The following RPS6KL1 variants were observed in gnomAD, a reference collection of about 807,000 sequenced individuals.
The protein encoded by RPS6KL1 is ribosomal protein S6 kinase like 1, also known as ribosomal protein S6 kinase-like 1.
A neutral mutation model predicts 57.0 loss-of-function variants in RPS6KL1; 41 were observed. The ratio of observed to expected loss-of-function variants is 0.72; its 90% confidence interval spans 0.56 to 0.93. The LOEUF (loss-of-function observed/expected upper bound fraction) is 0.93. RPS6KL1 is among the 40% of genes least tolerant of loss of function. RPS6KL1 has a pLI of 0.00. For synonymous variants in RPS6KL1, 287 were observed against 309.7 expected (o/e 0.93, Z 0.77); for missense variants, 697 against 727.7 (o/e 0.96, Z 0.49).
At position 74,909,625 on chromosome 14, in the gene RPS6KL1, C is replaced by T. The variant is rs1594910471; in HGVS notation, c.1188G>A (p.Met396Ile). The part of the protein sequence containing the change: ...EEQVKQWAAE[M>I]LVALEALHEQ... ...CGTGCAGCGCCTCCAGCGCTACCAG[C>T]ATCTCTGCCGCCCACTGCTTCACCT... The change falls in exon 8 of 12, where the codon ATG becomes ATA. Residue 396 changes from methionine (M) to isoleucine (I), a missense_variant. Transcript: ENST00000557413. The T allele has an allele frequency of 1.2e-6, 2 of 1,611,946 alleles. No homozygotes were observed. The highest frequency in any genetic ancestry group is 2.2e-5 in the East Asian group (1 of 44,892).
rs1884873389 is a variant in RPS6KL1 at position 74,906,452 on chromosome 14, C to T, written c.*562G>A. On this transcript the variant is annotated 3_prime_UTR_variant, in exon 12 of 12. Coordinates refer to ENST00000557413, the MANE Select transcript of RPS6KL1 (RefSeq NM_031464.5). The stretch of plus-strand genomic sequence containing the variant: ...GGTCATCCTGTCCCCTACCTCATCC[C>T]TCCCTGCACAACAGATGGCATCCCT... 1.4e-5 allele frequency: 6 copies of T among 419,412 alleles called. No homozygotes were observed. The highest frequency in any genetic ancestry group is 7.4e-5 in the Admixed American group (3 of 40,692). 26.0% of individuals were successfully genotyped at this position (419,412 alleles called of 1,614,324 possible).
At chr14:74,918,719 G>C in intron 4 of RPS6KL1, 114 bp from the exon 5 acceptor site, 1 of 769,206 alleles carries the variant, frequency 1.3e-6, no homozygotes, top group East Asian at 2.8e-5. Context: ...ACAGCTGGGA[G>C]GGCAGGGGTA....
Position 74,910,073 on chromosome 14 carries a change from T to C in RPS6KL1, c.740A>G (p.Glu247Gly). The C allele has an allele frequency of 1.9e-6, 3 of 1,607,678 alleles. No individual in the cohort carries two copies. The highest frequency in any genetic ancestry group is 2.5e-6 in the Non-Finnish European group (3 of 1,177,306). ...GGGGTTGAGCTGAGCCTTCATCCTC[T>C]CCTGGGTAGAGCCAGAGCTGAGCCC... ...HSGLSSGSTQ[E>G]RMKAQLNPHL... Residue 247 changes from glutamate to glycine, a missense_variant, in exon 8 of 12, where the codon GAG (glutamate) becomes GGG (glycine). Glu to Gly is a moderately conservative substitution (Grantham distance 98). Transcript: ENST00000557413.
At chr14:74,910,654 GA>G in intron 7 of RPS6KL1, 1 of 157,340 alleles carries the variant, frequency 6.4e-6, no homozygotes, top group Admixed American at 6.0e-5. Flanking sequence ...GCACAACCCG[GA>G]AAAATGAAAA....
chr14:74,908,972 G>C, intron 9 of RPS6KL1, 40 bp from the exon 10 acceptor site: 1 of 1,590,322 alleles, frequency 6.3e-7, no homozygotes, highest in Non-Finnish European at 8.6e-7. Flanking sequence ...CCTCACCTAA[G>C]AGGGCCTCTT....
At chr14:74,918,807 G>A (rs1213620861) in intron 4 of RPS6KL1, among the ~76,000 whole-genome samples, 1 of 152,210 alleles carries the variant, frequency 6.6e-6, no homozygotes, top group Non-Finnish European at 1.5e-5. Flanking sequence ...CTGGTCCAGG[G>A]TGGTCAGGCC....
intron 5 of RPS6KL1, among the ~76,000 whole-genome samples, chr14:74,917,320 A>G (rs1432654739): frequency 6.6e-6 from 1 of 152,248 alleles, no homozygotes; most frequent in Non-Finnish European, 1.5e-5. Context: ...CTCAGAGAGC[A>G]GGGGGCTTGC....
At position 74,922,122 on chromosome 14, in the gene RPS6KL1, T is replaced by C. The variant is rs1887958089; in HGVS notation, c.-165A>G. The C allele has an allele frequency of 1.1e-5, 10 of 919,282 alleles. No individual in the cohort carries two copies. The highest frequency in any genetic ancestry group is 9.1e-6 in the Non-Finnish European group (7 of 765,202). 56.9% of individuals were successfully genotyped at this position (919,282 alleles called of 1,614,324 possible). ...CCAGTCAAATTCAGTTCAGCAAACA[T>C]TTCTGGAGCATCTGGTACTGTGTTG... On this transcript the variant is annotated 5_prime_UTR_variant, in exon 2 of 12. It removes an upstream start codon present in the reference 5' UTR. Transcript: ENST00000557413.
chr14:74,911,743 T>C (rs1194280761), intron 6 of RPS6KL1, 51 bp downstream of exon 6: 1 of 1,511,542 alleles, frequency 6.6e-7, no homozygotes, highest in South Asian at 1.2e-5. Context: ...CCAAGAGCCC[T>C]GAGAAAGATC....
chr14:74,920,120 C>T, intron 3 of RPS6KL1, 151 bp from the exon 4 acceptor site: 2 of 1,017,360 alleles, frequency 2.0e-6, no homozygotes, highest in Middle Eastern at 2.4e-4. Flanking sequence ...GCTTCATGAG[C>T]CCCTCCTCTG....
intron 8 of RPS6KL1, 43 bp downstream of exon 8, chr14:74,909,500 C>G: frequency 6.5e-7 from 1 of 1,542,450 alleles, no homozygotes; most frequent in South Asian, 1.3e-5. Context: ...TCTGCCTGGA[C>G]GCTTTGGGGG....
At position 74,908,929 on chromosome 14, in the gene RPS6KL1, A is replaced by C. The variant is rs1594905994; in HGVS notation, c.1364T>G (p.Val455Gly). The stretch of plus-strand genomic sequence containing the variant: ...TTCCGTCAGCTCGGAAATCCCACCC[A>C]CCTCTGTGGGAACAAGAACACAGGT... ...AVDNLYSAPEVGGISELTEAC... is the reference protein window; with the variant it reads ...AVDNLYSAPEGGGISELTEAC... Residue 455 changes from valine to glycine, a missense_variant, in exon 10 of 12, where the codon GTG becomes GGG. Transcript: ENST00000557413. The C allele has an allele frequency of 6.2e-7, 1 of 1,612,614 alleles. No homozygotes were observed. Among genetic ancestry groups the C allele is most frequent in the Admixed American group, 1.7e-5 (1 of 59,918 alleles).
chr14:74,910,313 C>G, intron 7 of RPS6KL1, 165 bp from the exon 8 acceptor site: 1 of 699,658 alleles, frequency 1.4e-6, no homozygotes, highest in Non-Finnish European at 2.2e-6. Flanking sequence ...TCCCACCCCT[C>G]AGCTTAGAAT....
At chr14:74,918,481 C>A in intron 5 of RPS6KL1, 32 bp downstream of exon 5, 1 of 1,459,110 alleles carries the variant, frequency 6.9e-7, no homozygotes. Flanking sequence ...TACACTGTCT[C>A]CCTCCTGCAA....
At chr14:74,918,380 C>T (rs1887216020) in intron 5 of RPS6KL1, 133 bp downstream of exon 5, 1 of 624,326 alleles carries the variant, frequency 1.6e-6, no homozygotes, top group African/African-American at 1.9e-5. Context: ...CCACTGACCC[C>T]TGCCCACCTC....
At position 74,906,313 on chromosome 14, in the gene RPS6KL1, T is replaced by C. The variant is rs1884801986; in HGVS notation, c.*701A>G. The C allele has an allele frequency of 2.9e-6, 1 of 346,698 alleles. No individual in the cohort carries two copies. Among genetic ancestry groups the C allele is most frequent in the Non-Finnish European group, 5.8e-6 (1 of 173,732 alleles). 21.5% of individuals were successfully genotyped at this position (346,698 alleles called of 1,614,324 possible). A position where few individuals can be genotyped will look rare whatever the true frequency, so the allele number is the denominator to read the frequency against. On this transcript the variant is annotated 3_prime_UTR_variant, in exon 12 of 12. Coordinates refer to ENST00000557413, the MANE Select transcript of RPS6KL1 (RefSeq NM_031464.5). ...TTGCTCTAAGGGGCAGACCCATGCATTCCTTCCTCCCCCCATTACTCTTAT... is the reference window on the plus strand; with the variant it reads ...TTGCTCTAAGGGGCAGACCCATGCACTCCTTCCTCCCCCCATTACTCTTAT...
At position 74,906,225 on chromosome 14, in the gene RPS6KL1, G is replaced by C. The variant is rs1941226349; in HGVS notation, c.*789C>G. The C allele has an allele frequency of 3.4e-6, 1 of 292,514 alleles. No homozygotes were observed. Among genetic ancestry groups the C allele is most frequent in the Non-Finnish European group, 6.8e-6 (1 of 146,400 alleles). 18.1% of individuals were successfully genotyped at this position (292,514 alleles called of 1,614,324 possible). A position where few individuals can be genotyped will look rare whatever the true frequency, so the allele number is the denominator to read the frequency against. ...GCTGTCCTCTTGCACCCCTGGGGCA[G>C]GCTGCCCCTCTTCCCCCACACAGGC... On this transcript the variant is annotated 3_prime_UTR_variant, in exon 12 of 12. Coordinates refer to ENST00000557413, the MANE Select transcript of RPS6KL1 (RefSeq NM_031464.5).
chr14:74,911,526 G>A, intron 6 of RPS6KL1, 146 bp from the exon 7 acceptor site: 1 of 912,676 alleles, frequency 1.1e-6, no homozygotes. Flanking sequence ...TACCCCCACT[G>A]CCCCTGTAGA....
chr14:74,914,446 T>G (rs1886524995), intron 5 of RPS6KL1, among the ~76,000 whole-genome samples: 1 of 152,230 alleles, frequency 6.6e-6, no homozygotes, highest in Admixed American at 6.5e-5. Flanking sequence ...GAAATAAACC[T>G]TGATCCATAC....
Sources: allele counts gnomAD v4.1 joint callset (sites outside exome capture counted in the v4.1 genomes callset), GRCh38; gene constraint gnomAD v4.1.1; transcripts MANE v1.5; gene names NCBI Gene and HGNC (gene_info 2026-07-23, HGNC 2026-07-21).